The following IQSEC1 variants were observed in gnomAD, a reference collection of about 807,000 sequenced individuals.
IQSEC1 encodes IQ motif and Sec7 domain ArfGEF 1, also known as IQ motif and SEC7 domain-containing protein 1.
In IQSEC1, 31 loss-of-function variants were observed where a neutral mutation model predicts 91.0. The observed-to-expected ratio is 0.34, with a 90% CI of 0.26 to 0.46. The LOEUF (loss-of-function observed/expected upper bound fraction) is 0.46. IQSEC1 is among the 20% of genes least tolerant of loss of function. IQSEC1 has a pLI of 1.00. For synonymous variants in IQSEC1, 699 were observed against 662.6 expected (o/e 1.05, Z -0.84); for missense variants, 1,388 against 1,575.6 (o/e 0.88, Z 2.02).
intron 1 of IQSEC1, among the ~76,000 whole-genome samples, chr3:13,055,967 C>T (rs943321370): frequency 1.3e-5 from 2 of 152,046 alleles, no homozygotes; most frequent in Admixed American, 6.5e-5. Flanking sequence ...ACCGAGATGT[C>T]CCCCCCACCA....
At chr3:13,003,276 CAAAAAA>C (rs56239928) in intron 1 of IQSEC1, among the ~76,000 whole-genome samples, 1 of 57,106 alleles carries the variant, frequency 1.8e-5, no homozygotes, top group Non-Finnish European at 3.2e-5. Context: ...CTGTCTCTAC[CAAAAAA>C]AAAAAAAAAA....
chr3:13,013,969 G>T (rs921814308), intron 1 of IQSEC1, among the ~76,000 whole-genome samples: 2 of 152,216 alleles, frequency 1.3e-5, no homozygotes, highest in Non-Finnish European at 2.9e-5. Context: ...GCTCTGATCT[G>T]CTCTGTGCCT....
At chr3:13,136,221 C>A (rs1412783783) in intron 2 of IQSEC1, among the ~76,000 whole-genome samples, 1 of 152,256 alleles carries the variant, frequency 6.6e-6, no homozygotes, top group African/African-American at 2.4e-5. Flanking sequence ...CCGGCTGAGA[C>A]TGATGCAAGG....
At chr3:12,914,700 C>T (rs1695902654) in intron 8 of IQSEC1, among the ~76,000 whole-genome samples, 1 of 152,126 alleles carries the variant, frequency 6.6e-6, no homozygotes, top group South Asian at 2.1e-4. Flanking sequence ...TGTGGGCACA[C>T]CACAAAGCTA....
intron 2 of IQSEC1, among the ~76,000 whole-genome samples, chr3:13,139,858 C>T (rs986484856): frequency 7.2e-5 from 11 of 152,294 alleles, no homozygotes; most frequent in Admixed American, 5.2e-4. Context: ...CATGAACACC[C>T]GCGGTATGGC....
intron 4 of IQSEC1, among the ~76,000 whole-genome samples, chr3:12,923,005 C>A (rs1340698485): frequency 3.9e-5 from 6 of 152,182 alleles, no homozygotes. Context: ...TGACCCCTCT[C>A]CCAGGGCCAT....
intron 1 of IQSEC1, among the ~76,000 whole-genome samples, chr3:13,166,076 T>G (rs1693489607): frequency 6.6e-6 from 1 of 152,162 alleles, no homozygotes; most frequent in Non-Finnish European, 1.5e-5. Context: ...TTTGGGGCAC[T>G]CCTACAGGAA....
rs551944407 is a variant in IQSEC1, at chr3:13,200,087, CACA to C, written c.273-35957_273-35955del. Among the ~76,000 whole-genome samples, 1,304 of 150,580 alleles carry C rather than the reference CACA, an allele frequency of 8.7e-3. 19 individuals carry two copies. Among genetic ancestry groups the C allele is most frequent in the Middle Eastern group, 0.017 (5 of 292 alleles). On this transcript the variant is annotated intron_variant, in intron 1 of 15. Transcript: ENST00000648114. ...CACACATACACACAACATGCATATACACAACATGCGCGCGCACGCACACACACA... is the reference window on the plus strand; with the variant it reads ...CACACATACACACAACATGCATATACACATGCGCGCGCACGCACACACACA...
At chr3:13,219,914 G>C (rs1395620965) in intron 1 of IQSEC1, among the ~76,000 whole-genome samples, 12 of 152,214 alleles carry the variant, frequency 7.9e-5, no homozygotes, top group Admixed American at 7.9e-4. Flanking sequence ...TTTGGGACTT[G>C]AATGCATTTA....
At chr3:13,016,377 G>A (rs1030991648) in intron 1 of IQSEC1, among the ~76,000 whole-genome samples, 1 of 152,170 alleles carries the variant, frequency 6.6e-6, no homozygotes, top group African/African-American at 2.4e-5. Context: ...CATCTCAACC[G>A]GCCTTCCCTG....
intron 1 of IQSEC1, among the ~76,000 whole-genome samples, chr3:13,032,474 G>A (rs371887411): frequency 2.6e-5 from 4 of 152,356 alleles, no homozygotes; most frequent in East Asian, 3.9e-4. Flanking sequence ...CAACTGCACT[G>A]CACGGAGCCA....
chr3:13,109,884 CTTT>C (rs34511430), intron 2 of IQSEC1, among the ~76,000 whole-genome samples: 10 of 123,210 alleles, frequency 8.1e-5, no homozygotes, highest in East Asian at 7.2e-4. Context: ...GGGATAAATT[CTTT>C]TTTTTTTTTT....
At chr3:13,152,010 G>C (rs1045857503) in intron 2 of IQSEC1, among the ~76,000 whole-genome samples, 3 of 152,048 alleles carry the variant, frequency 2.0e-5, no homozygotes, top group Non-Finnish European at 4.4e-5. Context: ...CAAAAAAAGA[G>C]AGAGTTCTAT....
In IQSEC1 at chr3:12,935,152, C is replaced by A. The variant is rs1698053733; in HGVS notation, c.1568+296G>T. ...AACATACCCCACTTGCTATGGCGGACTTGGGGGGGATGGGACGGAAGGGCC... is the reference window on the plus strand; with the variant it reads ...AACATACCCCACTTGCTATGGCGGAATTGGGGGGGATGGGACGGAAGGGCC... On this transcript the variant is annotated intron_variant, in intron 3 of 13. Transcript: ENST00000613206. This position sits in a 1 kb window ranked among gnomAD's most constrained non-coding sequence, Gnocchi z 8.0. Among the ~76,000 whole-genome samples the A allele has an allele frequency of 6.6e-6, 1 of 152,214 alleles. No homozygotes were observed. Among genetic ancestry groups the A allele is most frequent in the Admixed American group, 6.5e-5 (1 of 15,292 alleles).
At position 13,154,296 on chromosome 3, in the gene IQSEC1, C is replaced by T. The variant is rs145315206; in HGVS notation, c.302+9808G>A. On this transcript the variant is annotated intron_variant, in intron 2 of 15. Coordinates refer to the IQSEC1 transcript ENST00000648114. ...GCTGTGCACCCCAAGCTGCCAGACA[C>T]GCACAAGGGCAGGGCCTTCTGGATC... 6.5e-3 allele frequency among the ~76,000 whole-genome samples: 984 copies of T among 150,612 alleles called. 2 individuals carry two copies. Among genetic ancestry groups the T allele is most frequent in the Non-Finnish European group, 0.011 (711 of 67,592 alleles).
At chr3:13,012,745 G>A (rs1009061137) in intron 1 of IQSEC1, among the ~76,000 whole-genome samples, 6 of 152,180 alleles carry the variant, frequency 3.9e-5, no homozygotes, top group African/African-American at 1.4e-4. Context: ...TATGAACACT[G>A]CGATTCCGCC....
chr3:12,962,173 C>T (rs1700280530), intron 1 of IQSEC1, among the ~76,000 whole-genome samples: 1 of 152,216 alleles, frequency 6.6e-6, no homozygotes, highest in African/African-American at 2.4e-5. Flanking sequence ...GGTTTCCTCT[C>T]TCAGGATGGG....
intron 12 of IQSEC1, among the ~76,000 whole-genome samples, chr3:12,903,852 T>C (rs17037422): frequency 0.029 from 4,473 of 152,260 alleles, 220 homozygotes; most frequent in African/African-American, 0.099. Flanking sequence ...GCGCTGGACA[T>C]GTCAACCCTA....
At chr3:12,998,922 T>C (rs1702320299) in intron 1 of IQSEC1, among the ~76,000 whole-genome samples, 1 of 152,140 alleles carries the variant, frequency 6.6e-6, no homozygotes, top group African/African-American at 2.4e-5. Context: ...AGTGGTTTTG[T>C]TTCCCAACAT....
Sources: gnomAD v4.1 joint callset for allele counts (sites outside exome capture counted in the v4.1 genomes callset) on GRCh38, gnomAD v4.1.1 for gene constraint, Gnocchi (gnomAD v3.1) non-coding constraint, MANE v1.5 for transcripts, NCBI Gene and HGNC (gene_info 2026-07-23, HGNC 2026-07-21) for gene names.